Variants in DIPK1C observed in about 807,000 individuals in gnomAD.
The protein encoded by DIPK1C is familial non-conventional Alzheimer's dementia.
In DIPK1C, 33 loss-of-function variants were observed where a neutral mutation model predicts 28.0. The observed-to-expected ratio is 1.18, with a 90% CI of 0.89 to 1.58. The LOEUF is 1.58. Ranked by LOEUF, DIPK1C falls within the 40% of genes most tolerant of loss-of-function variation. The pLI is 0.00. For missense variants in DIPK1C, 569 were observed against 568.5 expected, an observed-to-expected ratio of 1.00 and a Z score of -0.01; for synonymous variants, 255 against 248.8, an observed-to-expected ratio of 1.02 and a Z score of -0.23.
In DIPK1C at chr18:74,436,826, C is replaced by T. The variant is rs1475175631; in HGVS notation, c.1042-107G>A. ...CAGATTTCAGCTTCTCTCCCACCCCCACCCCCGTCCTTCAGGGAGCACACT... is the reference window on the plus strand; with the variant it reads ...CAGATTTCAGCTTCTCTCCCACCCCTACCCCCGTCCTTCAGGGAGCACACT... On this transcript the variant is annotated intron_variant, in intron 3 of 3. Transcript: ENST00000343998. The T allele has an allele frequency of 6.7e-6, 7 of 1,050,158 alleles. No homozygotes were observed. In the Admixed American group the frequency reaches 1.0e-4, roughly 16 times the overall value. The allele number at this position is 1,050,158 out of a possible 1,614,324, so 65.1% of individuals were successfully genotyped here.
intron 2 of DIPK1C, among the ~76,000 whole-genome samples, chr18:74,445,329 C>T (rs1427166555): frequency 6.6e-6 from 1 of 152,212 alleles, no homozygotes. Flanking sequence ...ACACAGACCT[C>T]CTGGAACCTC....
intron 1 of DIPK1C, among the ~76,000 whole-genome samples, chr18:74,452,603 A>C (rs1303488165): frequency 6.6e-6 from 1 of 152,016 alleles, no homozygotes; most frequent in Non-Finnish European, 1.5e-5. Flanking sequence ...AAAAAAAAAA[A>C]AAAATTAGCT....
intron 1 of DIPK1C, 80 bp downstream of exon 1, chr18:74,456,982 G>C: frequency 1.6e-6 from 2 of 1,289,518 alleles, no homozygotes; most frequent in South Asian, 1.9e-5. Context: ...CCAAGTCCCC[G>C]GGAAGGCTGG....
chr18:74,459,161 G>T (rs111939760), upstream of DIPK1C, among the ~76,000 whole-genome samples: 692 of 152,370 alleles, frequency 4.5e-3, 5 homozygotes, highest in African/African-American at 0.016. Context: ...CCCAAGAATT[G>T]TATTTGGTGT....
chr18:74,456,559 C>T (rs1207839385), intron 1 of DIPK1C, among the ~76,000 whole-genome samples: 1 of 152,196 alleles, frequency 6.6e-6, no homozygotes, highest in African/African-American at 2.4e-5. Flanking sequence ...ACCAGCCCTC[C>T]GCATGGGCTC....
the DIPK1C span, among the ~76,000 whole-genome samples, chr18:74,462,963 T>C: frequency 6.6e-6 from 1 of 152,244 alleles, no homozygotes; most frequent in Non-Finnish European, 1.5e-5. Context: ...TTTAGGAATT[T>C]TAGTCCACAT....
chr18:74,461,485 C>A (rs1374969032), upstream of DIPK1C, among the ~76,000 whole-genome samples: 1 of 151,342 alleles, frequency 6.6e-6, no homozygotes, highest in Non-Finnish European at 1.5e-5. Flanking sequence ...TCACTGTGGC[C>A]TCCAACTCCT....
At chr18:74,463,088 G>A in the DIPK1C span, among the ~76,000 whole-genome samples, 1 of 152,172 alleles carries the variant, frequency 6.6e-6, no homozygotes, top group African/African-American at 2.4e-5. Flanking sequence ...CAAGAACGTG[G>A]GGTGCCCCAT....
Position 74,457,042 on chromosome 18 carries a change from A to G in DIPK1C, c.198+20T>C. ...CCTCCCCGGACGCGCGGCGCGGGGCAGAGCGGCGGCGGGACCTACCAGCGC... is the reference window on the plus strand; with the variant it reads ...CCTCCCCGGACGCGCGGCGCGGGGCGGAGCGGCGGCGGGACCTACCAGCGC... On this transcript the variant is annotated intron_variant, in intron 1 of 3. Coordinates refer to ENST00000343998, the MANE Select transcript of DIPK1C (RefSeq NM_001044369.3). 7.0e-7 allele frequency: 1 copy of G among 1,426,752 alleles called. No homozygotes were observed. Among genetic ancestry groups the G allele is most frequent in the Non-Finnish European group, 9.1e-7 (1 of 1,100,040 alleles). The allele number at this position is 1,426,752 out of a possible 1,614,324, so 88.4% of individuals were successfully genotyped here.
intron 2 of DIPK1C, among the ~76,000 whole-genome samples, 159 bp downstream of exon 2, chr18:74,446,447 C>T (rs1177555791): frequency 6.6e-6 from 1 of 152,162 alleles, no homozygotes; most frequent in Admixed American, 6.5e-5. Flanking sequence ...TACTAACACC[C>T]GGAAGGAAGT....
At chr18:74,450,651 C>T (rs1052036979) in intron 1 of DIPK1C, among the ~76,000 whole-genome samples, 6 of 152,194 alleles carry the variant, frequency 3.9e-5, no homozygotes, top group African/African-American at 7.2e-5. Context: ...AGACACCTGC[C>T]GGCCAAGAAG....
chr18:74,450,997 G>T (rs1271806198), intron 1 of DIPK1C, among the ~76,000 whole-genome samples: 1 of 152,178 alleles, frequency 6.6e-6, no homozygotes, highest in Non-Finnish European at 1.5e-5. Context: ...TCCCAACACA[G>T]TGCCCGGCCT....
At chr18:74,459,897 C>T (rs1412598186), upstream of DIPK1C, among the ~76,000 whole-genome samples, 3 of 152,154 alleles carry the variant, frequency 2.0e-5, no homozygotes, top group Non-Finnish European at 4.4e-5. Context: ...GCAGCGCCAG[C>T]CCAGGGTGGG....
At chr18:74,463,857 G>GCAC in the DIPK1C span, among the ~76,000 whole-genome samples, 1 of 152,198 alleles carries the variant, frequency 6.6e-6, no homozygotes, top group African/African-American at 2.4e-5. Context: ...CACGAAATCA[G>GCAC]CACCGACTGG....
upstream of DIPK1C, among the ~76,000 whole-genome samples, chr18:74,458,189 T>A (rs913957693): frequency 6.6e-6 from 1 of 151,994 alleles, no homozygotes; most frequent in East Asian, 1.9e-4. Context: ...TGAACGCCTT[T>A]CCCCAGGATA....
intron 3 of DIPK1C, among the ~76,000 whole-genome samples, chr18:74,441,643 T>A (rs1169437807): frequency 6.6e-6 from 1 of 152,134 alleles, no homozygotes; most frequent in African/African-American, 2.4e-5. Context: ...TCTCATAGTG[T>A]ATGTGCCCAT....
upstream of DIPK1C, among the ~76,000 whole-genome samples, chr18:74,458,252 G>A (rs548129326): frequency 1.3e-5 from 2 of 152,282 alleles, no homozygotes; most frequent in African/African-American, 4.8e-5. Flanking sequence ...GGCTGTGAAA[G>A]CCGCCACGCC....
At chr18:74,448,463 C>T (rs1197837147) in intron 1 of DIPK1C, among the ~76,000 whole-genome samples, 1 of 152,184 alleles carries the variant, frequency 6.6e-6, no homozygotes, top group African/African-American at 2.4e-5. Context: ...TAGCAAAGGG[C>T]AGCTTGGTGC....
Position 74,436,401 on chromosome 18 carries a change from C to T in DIPK1C, c.*100G>A. On this transcript the variant is annotated 3_prime_UTR_variant, in exon 4 of 4. Coordinates refer to ENST00000343998, the MANE Select transcript of DIPK1C (RefSeq NM_001044369.3). ...CAATGTGGAGACCAGAACGGCACCC[C>T]AGAGAGCACAGGGGAAATGGCTCAT... 8.2e-7 allele frequency: 1 copy of T among 1,222,598 alleles called. No homozygotes were observed. Among genetic ancestry groups the T allele is most frequent in the Non-Finnish European group, 1.1e-6 (1 of 891,196 alleles). 75.7% of individuals were successfully genotyped at this position (1,222,598 alleles called of 1,614,324 possible).
Sources: allele counts gnomAD v4.1 joint callset (sites outside exome capture counted in the v4.1 genomes callset), GRCh38; gene constraint gnomAD v4.1.1; transcripts MANE v1.5; gene names NCBI Gene and HGNC (gene_info 2026-07-23, HGNC 2026-07-21).